Variants in CDH2 observed in about 807,000 individuals in gnomAD.
CDH2 encodes cadherin 2.
A neutral mutation model predicts 92.0 loss-of-function variants in CDH2; 17 were observed. The observed-to-expected ratio is 0.18, with a 90% CI of 0.13 to 0.28. The LOEUF (loss-of-function observed/expected upper bound fraction) is 0.28. Ranked by LOEUF, CDH2 falls within the 10% of genes least tolerant of loss-of-function variation. CDH2 has a pLI of 1.00. For synonymous variants in CDH2, 419 were observed against 415.9 expected, an observed-to-expected ratio of 1.01 and a Z score of -0.09; for missense variants, 862 against 1,133.1, an observed-to-expected ratio of 0.76 and a Z score of 3.44.
At chr18:27,945,542 T>TC (rs1567930344) in intron 6 of CDH2, among the ~76,000 whole-genome samples, 1 of 151,822 alleles carries the variant, frequency 6.6e-6, no homozygotes, top group Admixed American at 6.6e-5. Flanking sequence ...TGATACTTTC[T>TC]CCCCCCAGTA....
At chr18:28,106,962 C>A (rs1452385179) in intron 2 of CDH2, among the ~76,000 whole-genome samples, 1 of 152,094 alleles carries the variant, frequency 6.6e-6, no homozygotes, top group Non-Finnish European at 1.5e-5. Context: ...CATACTCACA[C>A]ACACAACTGG....
chr18:27,990,138 G>C lies in CDH2; in HGVS notation c.1557C>G (p.Phe519Leu). The change falls in exon 10 of 16, where the codon TTC becomes TTG. Residue 519 changes from phenylalanine (F) to leucine (L), a missense_variant. This residue lies in a region of CDH2 where 564 missense variants were observed against 722.2 expected (regional missense o/e 0.78). Coordinates refer to ENST00000269141, the MANE Select transcript of CDH2 (RefSeq NM_001792.5). ...GLHAGTMLTT[F>L]TAQDPDRYMQ... Reference sequence around the variant, plus strand: ...TATATCGATCTGGGTCCTGAGCAGTGAATGTTGTCAACATGGTACCGGCAT... The same window carrying C: ...TATATCGATCTGGGTCCTGAGCAGTCAATGTTGTCAACATGGTACCGGCAT... The C allele has an allele frequency of 6.2e-7, 1 of 1,614,008 alleles. No homozygotes were observed. The highest frequency in any genetic ancestry group is 8.5e-7 in the Non-Finnish European group (1 of 1,179,896).
intron 1 of CDH2, among the ~76,000 whole-genome samples, chr18:28,166,843 T>A (rs17495321): frequency 0.077 from 11,732 of 152,000 alleles, 1,470 homozygotes; most frequent in African/African-American, 0.26. Flanking sequence ...AATCTAGAGC[T>A]ACTAAACCAT....
chr18:28,094,348 C>T (rs902054916), intron 2 of CDH2, among the ~76,000 whole-genome samples: 1 of 151,710 alleles, frequency 6.6e-6, no homozygotes, highest in Non-Finnish European at 1.5e-5. Context: ...ATTAGCCAGG[C>T]ATGGTGGTGC....
At chr18:28,088,811 G>T (rs895954390) in intron 2 of CDH2, among the ~76,000 whole-genome samples, 7 of 152,118 alleles carry the variant, frequency 4.6e-5, no homozygotes, top group Non-Finnish European at 1.0e-4. Flanking sequence ...ACCATACAAA[G>T]AAGCCAAAGT....
chr18:27,963,483 C>T lies in CDH2; in HGVS notation c.2388G>A (p.Val796=), dbSNP rs144790653. 2.7e-5 allele frequency: 43 copies of T among 1,614,042 alleles called. No homozygotes were observed. The African/African-American group carries it at 5.6e-4, about 21-fold the overall frequency. The change falls in exon 15 of 16, where the codon GTG becomes GTA. Residue 796 remains valine, a synonymous_variant. Coordinates refer to ENST00000269141, the MANE Select transcript of CDH2 (RefSeq NM_001792.5). The stretch of plus-strand genomic sequence containing the variant: ...CCACAGGCTTGATGGCATCAGGCTC[C>T]ACAGTGTCAGGCTGCTGCAGCTGGC... ...DLSQLQQPDT[V]EPDAIKPVGI...
chr18:28,012,053 C>A, intron 3 of CDH2, 61 bp from the exon 4 acceptor site: 4 of 1,403,568 alleles, frequency 2.8e-6, no homozygotes, highest in Non-Finnish European at 4.0e-6. Flanking sequence ...GAAAGTACAT[C>A]AATATTATTG....
At chr18:28,130,594 C>T (rs1175821511) in intron 2 of CDH2, among the ~76,000 whole-genome samples, 1 of 152,222 alleles carries the variant, frequency 6.6e-6, no homozygotes, top group African/African-American at 2.4e-5. Flanking sequence ...AGACAGAATT[C>T]ACTGGCACAA....
intron 10 of CDH2, 91 bp downstream of exon 10, chr18:27,990,006 A>C (rs1472675854): frequency 8.6e-7 from 1 of 1,168,724 alleles, no homozygotes; most frequent in Non-Finnish European, 1.2e-6. Context: ...ATTGCAATGA[A>C]AATTTCTACT....
At chr18:28,114,557 G>A (rs1039670142) in intron 2 of CDH2, among the ~76,000 whole-genome samples, 3 of 152,120 alleles carry the variant, frequency 2.0e-5, no homozygotes, top group African/African-American at 7.2e-5. Context: ...GACAATTGAT[G>A]AGCAATAAAA....
chr18:28,109,325 G>T (rs1291354170), intron 2 of CDH2, among the ~76,000 whole-genome samples: 2 of 152,132 alleles, frequency 1.3e-5, no homozygotes, highest in Non-Finnish European at 2.9e-5. Flanking sequence ...TTACTAATTT[G>T]CAAAGAAGTG....
intron 7 of CDH2, among the ~76,000 whole-genome samples, chr18:27,994,417 G>T (rs185067532): frequency 6.6e-6 from 1 of 152,114 alleles, no homozygotes; most frequent in Admixed American, 6.6e-5. Context: ...TCAAATTCCA[G>T]GTTGACTGTT....
At chr18:28,113,489 A>AG (rs1221568530) in intron 2 of CDH2, among the ~76,000 whole-genome samples, 1 of 141,910 alleles carries the variant, frequency 7.0e-6, no homozygotes, top group African/African-American at 2.5e-5. Flanking sequence ...AAAAAAAAAA[A>AG]GATGATGAAA....
intron 1 of CDH2, among the ~76,000 whole-genome samples, chr18:28,153,297 T>C (rs1412251721): frequency 6.6e-6 from 1 of 152,186 alleles, no homozygotes; most frequent in African/African-American, 2.4e-5. Context: ...AAGTTATGGC[T>C]TCCTCCTCTA....
chr18:28,102,038 C>T (rs2015235337), intron 2 of CDH2, among the ~76,000 whole-genome samples: 1 of 152,106 alleles, frequency 6.6e-6, no homozygotes. Context: ...CTATTTCCCA[C>T]AGCCACCCAT....
At chr18:27,996,585 T>A (rs1474029667) in intron 7 of CDH2, among the ~76,000 whole-genome samples, 1 of 152,162 alleles carries the variant, frequency 6.6e-6, no homozygotes, top group Non-Finnish European at 1.5e-5. Context: ...ACCCCATCAC[T>A]GTTTATAGTT....
At chr18:28,132,099 C>A (rs933474254) in intron 2 of CDH2, among the ~76,000 whole-genome samples, 1 of 152,214 alleles carries the variant, frequency 6.6e-6, no homozygotes, top group Non-Finnish European at 1.5e-5. Context: ...TTATTTCTCT[C>A]TAAGGTGATA....
At chr18:28,027,892 T>C (rs1277737396) in intron 2 of CDH2, among the ~76,000 whole-genome samples, 1 of 151,472 alleles carries the variant, frequency 6.6e-6, no homozygotes, top group Admixed American at 6.6e-5. Flanking sequence ...TACACTGAAA[T>C]ATCACTACCT....
At chr18:28,043,485 T>A (rs17468408) in intron 2 of CDH2, among the ~76,000 whole-genome samples, 15 of 76,686 alleles carry the variant, frequency 2.0e-4, no homozygotes, top group African/African-American at 6.7e-4. Flanking sequence ...TATATATATA[T>A]ATATATATAA....
Sources: allele counts gnomAD v4.1 joint callset (sites outside exome capture counted in the v4.1 genomes callset), GRCh38; gene constraint gnomAD v4.1.1; regional missense constraint gnomAD v4.1.1; transcripts MANE v1.5; gene names NCBI Gene and HGNC (gene_info 2026-07-23, HGNC 2026-07-21).